Variants in ARHGAP15 observed in about 807,000 individuals in gnomAD.
ARHGAP15 encodes Rho GTPase activating protein 15.
ARHGAP15 carries 51 observed loss-of-function variants against 63.7 expected under a neutral mutation model. The observed-to-expected ratio is 0.80, with a 90% CI of 0.64 to 1.01. The LOEUF is 1.01. Among genes scored for constraint, ARHGAP15 ranks in the 50% least tolerant of loss-of-function variants. The pLI is 0.00. For synonymous variants in ARHGAP15, 191 were observed against 193.8 expected (o/e 0.99, Z 0.12); for missense variants, 560 against 564.6 (o/e 0.99, Z 0.08).
In ARHGAP15 at chr2:143,129,471, G is replaced by A. The variant is rs1370312697; in HGVS notation, c.-15+5G>A. ...ACAGGTCATTGCCGAGAAAAGGTAA[G>A]TTTTAACTTTATATTGTACATGAAA... On this transcript the variant is annotated splice_donor_5th_base_variant and intron_variant, in intron 1 of 13. Coordinates refer to ENST00000295095, the MANE Select transcript of ARHGAP15 (RefSeq NM_018460.4). 1 of 152,198 alleles carries A rather than the reference G, an allele frequency of 6.6e-6. No individual in the cohort carries two copies. Among genetic ancestry groups the A allele is most frequent in the Admixed American group, 6.5e-5 (1 of 15,282 alleles). The allele number at this position is 152,198 out of a possible 1,614,324, so 9.4% of individuals were successfully genotyped here. A position where few individuals can be genotyped will look rare whatever the true frequency, so the allele number is the denominator to read the frequency against.
intron 11 of ARHGAP15, chr2:143,606,672 G>A (rs905964436): frequency 6.6e-6 from 1 of 152,194 alleles, no homozygotes; most frequent in Non-Finnish European, 1.5e-5. Flanking sequence ...TAAAGCCTGT[G>A]TTGTAAAGAA....
chr2:143,397,430 A>AT (rs1377922025), intron 6 of ARHGAP15, among the ~76,000 whole-genome samples: 2 of 151,546 alleles, frequency 1.3e-5, no homozygotes. Context: ...TGCATGAACA[A>AT]TTTTTTATGT....
chr2:143,216,286 C>T (rs1321413292), intron 3 of ARHGAP15, 98 bp from the exon 4 acceptor site: 11 of 899,822 alleles, frequency 1.2e-5, no homozygotes, highest in Non-Finnish European at 1.9e-5. Flanking sequence ...TGACTGAAAA[C>T]TTCCGTCACT....
intron 6 of ARHGAP15, among the ~76,000 whole-genome samples, chr2:143,364,218 A>C (rs1382323810): frequency 6.6e-6 from 1 of 151,752 alleles, no homozygotes; most frequent in South Asian, 2.1e-4. Flanking sequence ...AAAAAAAAAA[A>C]ACATTCAATC....
intron 5 of ARHGAP15, chr2:143,237,735 A>G (rs1258613119): frequency 6.6e-6 from 1 of 152,220 alleles, no homozygotes; most frequent in African/African-American, 2.4e-5. Flanking sequence ...CAGAAAATTT[A>G]GTGTCACTTT....
At chr2:143,134,720 G>C (rs779781226) in intron 1 of ARHGAP15, among the ~76,000 whole-genome samples, 4 of 148,376 alleles carry the variant, frequency 2.7e-5, no homozygotes, top group African/African-American at 7.5e-5. Context: ...CTGCAAGCTC[G>C]GCCTCCCGGG....
chr2:143,560,587 A>G (rs1431704459), intron 11 of ARHGAP15, among the ~76,000 whole-genome samples: 1 of 152,198 alleles, frequency 6.6e-6, no homozygotes, highest in African/African-American at 2.4e-5. Context: ...AAAAGCAGAG[A>G]TTAGTCTTTT....
chr2:143,587,655 C>T (rs947323210), intron 11 of ARHGAP15: 3 of 457,808 alleles, frequency 6.6e-6, no homozygotes, highest in African/African-American at 6.1e-5. Flanking sequence ...GGATGAGGAC[C>T]TTCCTTTCCT....
At chr2:143,738,878 G>A (rs947633196) in intron 13 of ARHGAP15, among the ~76,000 whole-genome samples, 6 of 152,044 alleles carry the variant, frequency 3.9e-5, no homozygotes, top group African/African-American at 9.7e-5. Context: ...TCAAGCCTCC[G>A]CCCATGATTC....
Position 143,223,059 on chromosome 2 carries a change from C to T in ARHGAP15, c.297-5522C>T, listed in dbSNP as rs556096265. Among the ~76,000 whole-genome samples the T allele has an allele frequency of 4.6e-5, 7 of 152,296 alleles. No homozygotes were observed. In the East Asian group the frequency reaches 1.4e-3, roughly 29 times the overall value. ...TGGCGCGAACTTGGCTCACTGCAGC[C>T]TCTGCCTCTCTAGTTCAATTGATTC... On this transcript the variant is annotated intron_variant, in intron 4 of 13. Coordinates refer to ENST00000295095, the MANE Select transcript of ARHGAP15 (RefSeq NM_018460.4).
At chr2:143,600,029 T>C (rs574945239) in intron 11 of ARHGAP15, among the ~76,000 whole-genome samples, 7 of 152,276 alleles carry the variant, frequency 4.6e-5, no homozygotes, top group African/African-American at 1.4e-4. Context: ...GCACATGTTA[T>C]AAAAGAAGTT....
intron 10 of ARHGAP15, among the ~76,000 whole-genome samples, chr2:143,550,350 A>T (rs1695500556): frequency 6.6e-6 from 1 of 152,202 alleles, no homozygotes; most frequent in African/African-American, 2.4e-5. Flanking sequence ...GGGTAAAGTA[A>T]GAAAAATTAC....
In ARHGAP15 at chr2:143,507,417, T is replaced by A. The variant is rs571826782; in HGVS notation, c.827-11849T>A. 2.0e-5 allele frequency among the ~76,000 whole-genome samples: 3 copies of A among 152,314 alleles called. No individual in the cohort carries two copies. In the South Asian group the frequency reaches 6.2e-4, roughly 32 times the overall value. On this transcript the variant is annotated intron_variant, in intron 9 of 13. Transcript: ENST00000295095. ...TTATTTACAGCTTCTTATTACTTCC[T>A]ATTGAAACTCTCATGTCAGTGAGTG...
At chr2:143,620,956 G>T (rs1191997594) in intron 11 of ARHGAP15, among the ~76,000 whole-genome samples, 2 of 152,214 alleles carry the variant, frequency 1.3e-5, no homozygotes, top group Non-Finnish European at 2.9e-5. Context: ...CAATATGTGT[G>T]TATCTAATTT....
At chr2:143,416,003 A>G (rs756384352) in intron 6 of ARHGAP15, among the ~76,000 whole-genome samples, 2 of 152,080 alleles carry the variant, frequency 1.3e-5, no homozygotes, top group Non-Finnish European at 2.9e-5. Flanking sequence ...TAAGGCATAA[A>G]AGACTACAAA....
chr2:143,582,431 A>G (rs1311261158), intron 11 of ARHGAP15, among the ~76,000 whole-genome samples: 1 of 152,146 alleles, frequency 6.6e-6, no homozygotes, highest in East Asian at 1.9e-4. Context: ...GCTTTTGATT[A>G]TTAGAATTAT....
chr2:143,756,149 T>C (rs748883155), intron 13 of ARHGAP15, among the ~76,000 whole-genome samples: 1 of 152,166 alleles, frequency 6.6e-6, no homozygotes, highest in Non-Finnish European at 1.5e-5. Flanking sequence ...AAAAGTAAAG[T>C]TGCTCTTCTC....
At chr2:143,470,658 T>C (rs199679416) in intron 8 of ARHGAP15, among the ~76,000 whole-genome samples, 19 of 148,600 alleles carry the variant, frequency 1.3e-4, no homozygotes, top group South Asian at 1.3e-3. Context: ...TGTATATATA[T>C]ACATGTATAT....
At chr2:143,172,912 T>C (rs538353260) in intron 2 of ARHGAP15, among the ~76,000 whole-genome samples, 91 of 152,070 alleles carry the variant, frequency 6.0e-4, no homozygotes, top group African/African-American at 2.2e-3. Flanking sequence ...ATAGCCAAGA[T>C]CCCATTGAGA....
Sources: gnomAD v4.1 joint callset for allele counts (sites outside exome capture counted in the v4.1 genomes callset) on GRCh38, gnomAD v4.1.1 for gene constraint, MANE v1.5 for transcripts, NCBI Gene and HGNC (gene_info 2026-07-23, HGNC 2026-07-21) for gene names.